The following SRFBP1 variants were observed in gnomAD, a reference collection of about 807,000 sequenced individuals.
SRFBP1 encodes serum response factor-binding protein 1.
SRFBP1 carries 47 observed loss-of-function variants against 45.5 expected under a neutral mutation model. The observed-to-expected ratio is 1.03, with a 90% CI of 0.82 to 1.32. The LOEUF (loss-of-function observed/expected upper bound fraction) is 1.32. Among genes scored for constraint, SRFBP1 ranks in the 40% most tolerant of loss-of-function variants. The pLI is 0.00. For synonymous variants in SRFBP1, 203 were observed against 166.3 expected, an observed-to-expected ratio of 1.22 and a Z score of -1.70; for missense variants, 621 against 484.6, an observed-to-expected ratio of 1.28 and a Z score of -2.64.
intron 3 of SRFBP1, among the ~76,000 whole-genome samples, chr5:121,982,821 C>CT (rs902921411): frequency 3.1e-4 from 46 of 150,122 alleles, no homozygotes; most frequent in Middle Eastern, 3.4e-3. Flanking sequence ...TATAACATGG[C>CT]TTTTTTTTTA....
At chr5:122,011,483 T>C (rs879136491) in intron 4 of SRFBP1, among the ~76,000 whole-genome samples, 4 of 152,188 alleles carry the variant, frequency 2.6e-5, no homozygotes, top group African/African-American at 7.2e-5. Flanking sequence ...TATTTGTTCA[T>C]TGAGATTACT....
chr5:122,057,958 G>A (rs1409246220), intron 2 of SRFBP1, among the ~76,000 whole-genome samples: 1 of 152,088 alleles, frequency 6.6e-6, no homozygotes, highest in Non-Finnish European at 1.5e-5. Flanking sequence ...AAGATTACAG[G>A]TATGAACCAC....
At chr5:121,978,967 T>C (rs1258969072) in intron 3 of SRFBP1, among the ~76,000 whole-genome samples, 1 of 152,214 alleles carries the variant, frequency 6.6e-6, no homozygotes, top group Non-Finnish European at 1.5e-5. Flanking sequence ...CCCCTAGTTT[T>C]ACATTCTGAA....
intron 3 of SRFBP1, among the ~76,000 whole-genome samples, chr5:121,980,162 T>G (rs1326773209): frequency 6.6e-6 from 1 of 152,186 alleles, no homozygotes; most frequent in Non-Finnish European, 1.5e-5. Flanking sequence ...CTTTTAGCCT[T>G]TCTTTTGTGT....
At chr5:122,037,395 G>A (rs1411161665) in intron 2 of SRFBP1, among the ~76,000 whole-genome samples, 1 of 152,232 alleles carries the variant, frequency 6.6e-6, no homozygotes. Context: ...TTTGTAGCTT[G>A]CAGGTAGGGT....
intron 3 of SRFBP1, among the ~76,000 whole-genome samples, chr5:121,983,185 G>A (rs1176400044): frequency 1.3e-5 from 2 of 151,586 alleles, no homozygotes; most frequent in Admixed American, 1.3e-4. Context: ...TCAATTTGGA[G>A]TTAAATGGAG....
At chr5:122,077,982 G>T (rs746103919), downstream of SRFBP1, 5 of 1,455,266 alleles carry the variant, frequency 3.4e-6, no homozygotes, top group Non-Finnish European at 4.5e-6. This position sits in a 1 kb window ranked among gnomAD's most constrained non-coding sequence, Gnocchi z 4.9. Flanking sequence ...CAGGCGAAGC[G>T]CATCACTCCT....
intron 2 of SRFBP1, chr5:122,069,953 C>T (rs375683149): frequency 6.6e-5 from 57 of 866,642 alleles, no homozygotes; most frequent in Non-Finnish European, 9.1e-5. Context: ...TACAAGAAAG[C>T]TGCTGTAGTA....
chr5:122,002,131 A>ACT (rs1257329794), intron 4 of SRFBP1, among the ~76,000 whole-genome samples: 2 of 152,180 alleles, frequency 1.3e-5, no homozygotes, highest in Non-Finnish European at 2.9e-5. Context: ...AATATTCGCA[A>ACT]CTCTAGTGGA....
At chr5:122,061,686 T>C (rs1379408736) in intron 2 of SRFBP1, among the ~76,000 whole-genome samples, 1 of 151,994 alleles carries the variant, frequency 6.6e-6, no homozygotes, top group African/African-American at 2.4e-5. Context: ...AGGGAAGAGA[T>C]TTTAATAAGC....
At chr5:122,074,783 T>C (rs1357046754) in intron 2 of SRFBP1, among the ~76,000 whole-genome samples, 1 of 152,130 alleles carries the variant, frequency 6.6e-6, no homozygotes, top group Non-Finnish European at 1.5e-5. Flanking sequence ...TCTTCCCACA[T>C]AAGGAAAAAA....
At position 121,974,271 on chromosome 5, in the gene SRFBP1, C is replaced by G. The variant is rs902320342; in HGVS notation, c.112C>G (p.Leu38Val). The G allele has an allele frequency of 1.7e-5, 28 of 1,610,400 alleles. No individual in the cohort carries two copies. The highest frequency in any genetic ancestry group is 2.4e-5 in the Non-Finnish European group (28 of 1,177,438). Residue 38 changes from leucine (L) to valine (V), a missense_variant, in exon 2 of 8, where the codon CTG becomes GTG. Coordinates refer to ENST00000339397, the MANE Select transcript of SRFBP1 (RefSeq NM_152546.3). ...AAAACTTGTCAGGAGTGTTGGCCGA[C>G]TGAAGTCAAAAAAGTTAGTCATTTA... ...IRKLVRSVGR[L>V]KSKKGTEDAL...
intron 3 of SRFBP1, among the ~76,000 whole-genome samples, chr5:121,988,909 A>G (rs1429656632): frequency 6.6e-6 from 1 of 152,216 alleles, no homozygotes; most frequent in African/African-American, 2.4e-5. Context: ...ACTTTTACAT[A>G]AAATTTGCAT....
At chr5:121,975,417 T>C in intron 3 of SRFBP1, 30 bp downstream of exon 3, 1 of 1,611,130 alleles carries the variant, frequency 6.2e-7, no homozygotes, top group African/African-American at 1.3e-5. Context: ...TGTATGTGTG[T>C]ATGTTTCTGA....
At chr5:122,039,725 C>T (rs1434705286) in intron 2 of SRFBP1, among the ~76,000 whole-genome samples, 1 of 152,094 alleles carries the variant, frequency 6.6e-6, no homozygotes, top group Non-Finnish European at 1.5e-5. Flanking sequence ...TCCATCCAGT[C>T]TTTACACAAG....
At chr5:122,008,005 G>A (rs1023392959) in intron 4 of SRFBP1, among the ~76,000 whole-genome samples, 9 of 151,248 alleles carry the variant, frequency 6.0e-5, no homozygotes, top group Non-Finnish European at 8.9e-5. Context: ...AGCCACTGAG[G>A]CAGACCTGGA....
chr5:121,973,612 GTGT>G (rs1410550015), intron 1 of SRFBP1, among the ~76,000 whole-genome samples: 2 of 144,026 alleles, frequency 1.4e-5, no homozygotes, highest in African/African-American at 5.0e-5. Flanking sequence ...GTGCATGTGT[GTGT>G]GGGGGGGGGG....
At chr5:122,046,694 C>G (rs1219281203) in intron 2 of SRFBP1, among the ~76,000 whole-genome samples, 1 of 152,206 alleles carries the variant, frequency 6.6e-6, no homozygotes, top group Non-Finnish European at 1.5e-5. Context: ...TTCTCCACAT[C>G]CTCTCCAGCA....
chr5:122,033,760 G>A (rs1326201248), intron 2 of SRFBP1, among the ~76,000 whole-genome samples: 1 of 150,426 alleles, frequency 6.6e-6, no homozygotes, highest in Non-Finnish European at 1.5e-5. Flanking sequence ...CGCCCAGCCG[G>A]TGCTTCTGCT....
Sources: gnomAD v4.1 joint callset for allele counts (sites outside exome capture counted in the v4.1 genomes callset) on GRCh38, gnomAD v4.1.1 for gene constraint, Gnocchi (gnomAD v3.1) non-coding constraint, MANE v1.5 for transcripts, NCBI Gene and HGNC (gene_info 2026-07-23, HGNC 2026-07-21) for gene names.